KIF21B: variants seen among roughly 807,000 people sequenced by gnomAD.
The protein encoded by KIF21B is kinesin-like protein KIF21B.
In KIF21B, 85 loss-of-function variants were observed where a neutral mutation model predicts 192.9. The observed-to-expected ratio is 0.44, with a 90% CI of 0.37 to 0.53. KIF21B has a LOEUF of 0.53. KIF21B is among the 20% of genes least tolerant of loss of function. The pLI is 0.00. For missense variants in KIF21B, 1,716 were observed against 2,194.8 expected (o/e 0.78, Z 4.36); for synonymous variants, 832 against 884.6 (o/e 0.94, Z 1.05).
chr1:200,974,475 C>T (rs922106039), intron 34 of KIF21B, among the ~76,000 whole-genome samples: 1 of 152,096 alleles, frequency 6.6e-6, no homozygotes, highest in Non-Finnish European at 1.5e-5. Flanking sequence ...GACAAGCGGG[C>T]GAGGCTTGGC....
In KIF21B at chr1:200,986,483, G is replaced by A. The variant is rs144109210; in HGVS notation, c.3689+361C>T. 9.2e-5 allele frequency among the ~76,000 whole-genome samples: 14 copies of A among 151,472 alleles called. No homozygotes were observed. The East Asian group carries it at 1.4e-3, about 15-fold the overall frequency. ...AACCATTCTAATGCCTCAGCCTCCC[G>A]AGTAGCTGGGAATACAGGCATGTGC... On this transcript the variant is annotated intron_variant, in intron 26 of 34. Coordinates refer to ENST00000461742, the MANE Select transcript of KIF21B (RefSeq NM_001252102.2).
At chr1:200,991,784 G>A (rs1656719268) in intron 16 of KIF21B, 59 bp from the exon 17 acceptor site, 1 of 1,557,426 alleles carries the variant, frequency 6.4e-7, no homozygotes. Context: ...CTCTCTGTCT[G>A]TGTACAGGCT....
intron 25 of KIF21B, 29 bp from the exon 26 acceptor site, chr1:200,986,947 G>A: frequency 6.2e-7 from 1 of 1,612,578 alleles, no homozygotes; most frequent in Non-Finnish European, 8.5e-7. Flanking sequence ...GTGAGGCCCA[G>A]ACCCAACTCC....
At position 200,999,469 on chromosome 1, in the gene KIF21B, G is replaced by A; in HGVS notation, c.1768-3C>T. On this transcript the variant is annotated splice_polypyrimidine_tract_variant and splice_region_variant and intron_variant, in intron 12 of 34. Transcript: ENST00000461742. The surrounding 1 kb of genome is among the most constrained non-coding windows in gnomAD (Gnocchi z 4.7). ...CTCTCGTCTCGCTCTTCCTCCTCCT[G>A]GGCACCAGGCACCATTGGGGTGGGC... is the stretch of plus-strand genomic sequence containing the variant. 1 of 1,613,304 alleles carries A rather than the reference G, an allele frequency of 6.2e-7. No homozygotes were observed. The highest frequency in any genetic ancestry group is 8.5e-7 in the Non-Finnish European group (1 of 1,179,590).
chr1:200,978,356 CT>C lies in KIF21B; in HGVS notation c.4161-981del, dbSNP rs373496804. Among the ~76,000 whole-genome samples, 188 of 147,000 alleles carry C rather than the reference CT, an allele frequency of 1.3e-3. 1 individual carries two copies. Among genetic ancestry groups the C allele is most frequent in the African/African-American group, 3.2e-3 (129 of 40,194 alleles). ...GAGCCACTGCGCCCAGCCTTGTTTA[CT>C]TTTTTTTTTTAAGACTTTATTTTTT... On this transcript the variant is annotated intron_variant, in intron 30 of 34. Transcript: ENST00000461742.
intron 15 of KIF21B, 70 bp downstream of exon 15, chr1:200,996,126 G>A (rs1229946231): frequency 3.6e-6 from 5 of 1,400,522 alleles, no homozygotes; most frequent in South Asian, 1.2e-5. Flanking sequence ...TTATTTTTAC[G>A]ATGGTGAGTG....
At chr1:201,009,789 A>G (rs916312855) in intron 1 of KIF21B, among the ~76,000 whole-genome samples, 5 of 152,204 alleles carry the variant, frequency 3.3e-5, no homozygotes, top group African/African-American at 4.8e-5. Context: ...TGAGGTACCT[A>G]TTATTTGCCT....
rs897309182 is a variant in KIF21B, at chr1:201,004,488, A to C, written c.901-33T>G. On this transcript the variant is annotated intron_variant, in intron 6 of 34. Transcript: ENST00000461742. The stretch of plus-strand genomic sequence containing the variant: ...AGACAGACCCTGGCACTCAGCAGTC[A>C]CTCAGGGAGCGAAGGGTAGGGAGGG... 5 of 1,525,330 alleles carry C rather than the reference A, an allele frequency of 3.3e-6. No homozygotes were observed. The Admixed American group carries it at 9.8e-5, about 30-fold the overall frequency. 94.5% of individuals were successfully genotyped at this position (1,525,330 alleles called of 1,614,324 possible).
chr1:201,003,295 G>T, intron 8 of KIF21B: 1 of 484,886 alleles, frequency 2.1e-6, no homozygotes, highest in Non-Finnish European at 3.8e-6. Flanking sequence ...GAGAGTGTCT[G>T]CCCTGTGCAC....
At position 201,008,349 on chromosome 1, in the gene KIF21B, A is replaced by C. The variant is rs557283121; in HGVS notation, c.447+420T>G. 2.0e-4 allele frequency among the ~76,000 whole-genome samples: 30 copies of C among 152,334 alleles called. 1 individual carries two copies. The South Asian group carries it at 6.2e-3, about 32-fold the overall frequency. On this transcript the variant is annotated intron_variant, in intron 3 of 34. Coordinates refer to ENST00000461742, the MANE Select transcript of KIF21B (RefSeq NM_001252102.2). ...AGCATCTGAGCCAGAAAGGGGCAGG[A>C]TAGGATGCCCTGAGGCTGAGGGGGA...
At chr1:200,977,176 GC>G in intron 31 of KIF21B, 35 bp downstream of exon 31, 1 of 1,582,882 alleles carries the variant, frequency 6.3e-7, no homozygotes, top group South Asian at 1.1e-5. Context: ...GCCTGGGAAT[GC>G]CAAACCCTCC....
At position 201,002,211 on chromosome 1, in the gene KIF21B, C is replaced by T. The variant is rs953396132; in HGVS notation, c.1352G>A (p.Arg451His). The change falls in exon 9 of 35, where the codon CGC becomes CAC. Residue 451 changes from arginine to histidine, a missense_variant. By Grantham distance (29) the Arg-to-His change is conservative. Transcript: ENST00000461742. ...CTCCTGGCTCATGAGCTGGGTGACG[C>T]GGTTGTTGATGGCATCGATGGCCTC... Reference protein sequence around the residue: ...MQEAIDAINNRVTQLMSQEAN... With the variant: ...MQEAIDAINNHVTQLMSQEAN... 1.2e-5 allele frequency: 19 copies of T among 1,614,066 alleles called. No individual in the cohort carries two copies. Among genetic ancestry groups the T allele is most frequent in the African/African-American group, 2.7e-5 (2 of 74,918 alleles).
At chr1:200,991,415 C>T (rs1468233923) in intron 17 of KIF21B, among the ~76,000 whole-genome samples, 1 of 152,212 alleles carries the variant, frequency 6.6e-6, no homozygotes, top group African/African-American at 2.4e-5. Context: ...TTGAGAAAGG[C>T]CCTTCTAATA....
intron 3 of KIF21B, among the ~76,000 whole-genome samples, chr1:201,007,339 GAC>G (rs1237372364): frequency 4.2e-4 from 14 of 33,190 alleles, no homozygotes; most frequent in Admixed American, 9.7e-4. Flanking sequence ...CACACACACA[GAC>G]ACAGAGACAC....
intron 1 of KIF21B, among the ~76,000 whole-genome samples, chr1:201,020,356 A>C (rs951326929): frequency 2.0e-5 from 3 of 152,168 alleles, no homozygotes; most frequent in Admixed American, 1.3e-4. Flanking sequence ...GGGGCAGGTC[A>C]CAGCTCCGCC....
At chr1:200,996,445 A>G in intron 14 of KIF21B, 50 bp from the exon 15 acceptor site, 1 of 1,536,446 alleles carries the variant, frequency 6.5e-7, no homozygotes, top group Non-Finnish European at 9.0e-7. Flanking sequence ...AAGGGCTCCC[A>G]CTAAATACAG....
In KIF21B at chr1:201,005,402, G is replaced by A; in HGVS notation, c.638C>T (p.Thr213Ile). Reference sequence around the variant, plus strand: ...CTGCACGTTCATCTGGGTGCTGGCTGTGGTGCGGGACAGGGCCCCCTGCTT... The same window carrying A: ...CTGCACGTTCATCTGGGTGCTGGCTATGGTGCGGGACAGGGCCCCCTGCTT... ...CLKQGALSRT[T>I]ASTQMNVQSS... The change falls in exon 5 of 35, where the codon ACA (threonine) becomes ATA (isoleucine). Residue 213 changes from threonine to isoleucine, a missense_variant. By Grantham distance (89) the Thr-to-Ile change is moderately conservative. This residue lies in a region of KIF21B where 1,087 missense variants were observed against 1,316.6 expected (regional missense o/e 0.83). Transcript: ENST00000461742. 6.2e-7 allele frequency: 1 copy of A among 1,613,188 alleles called. No homozygotes were observed. Among genetic ancestry groups the A allele is most frequent in the Non-Finnish European group, 8.5e-7 (1 of 1,179,578 alleles).
chr1:200,996,716 G>A (rs987359945), intron 14 of KIF21B, among the ~76,000 whole-genome samples: 1 of 152,194 alleles, frequency 6.6e-6, no homozygotes, highest in Non-Finnish European at 1.5e-5. Flanking sequence ...CCATGATCCA[G>A]TGTTGGAGGA....
In KIF21B at chr1:200,989,918, T is replaced by G. The variant is rs752928140; in HGVS notation, c.3132+24A>C. ...AGGCATCTGTGCCCATAGAGCCCCCTGCCCATGTACGCTCCCAGCTTACCT... is the reference window on the plus strand; with the variant it reads ...AGGCATCTGTGCCCATAGAGCCCCCGGCCCATGTACGCTCCCAGCTTACCT... On this transcript the variant is annotated intron_variant, in intron 21 of 34. Transcript: ENST00000461742. 2.0e-6 allele frequency: 3 copies of G among 1,522,322 alleles called. No homozygotes were observed. The Admixed American group carries it at 6.1e-5, about 31-fold the overall frequency. The allele number at this position is 1,522,322 out of a possible 1,614,324, so 94.3% of individuals were successfully genotyped here. A position where few individuals can be genotyped will look rare whatever the true frequency, so the allele number is the denominator to read the frequency against.
Sources: allele counts gnomAD v4.1 joint callset (sites outside exome capture counted in the v4.1 genomes callset), GRCh38; gene constraint gnomAD v4.1.1; regional missense constraint gnomAD v4.1.1; non-coding constraint Gnocchi (gnomAD v3.1); transcripts MANE v1.5; gene names NCBI Gene and HGNC (gene_info 2026-07-23, HGNC 2026-07-21).